KCNQ1: variants seen among roughly 807,000 people sequenced by gnomAD.
KCNQ1 encodes potassium voltage-gated channel subfamily Q member 1, also known as potassium voltage-gated channel subfamily KQT member 1.
A neutral mutation model predicts 72.4 loss-of-function variants in KCNQ1; 49 were observed. The ratio of observed to expected loss-of-function variants is 0.68; its 90% confidence interval spans 0.54 to 0.86. The LOEUF is 0.86. KCNQ1 is among the 40% of genes least tolerant of loss of function. KCNQ1 has a pLI of 0.00. For missense variants in KCNQ1, 790 were observed against 945.1 expected, an observed-to-expected ratio of 0.84 and a Z score of 2.15; for synonymous variants, 450 against 412.6, an observed-to-expected ratio of 1.09 and a Z score of -1.10.
chr11:2,819,958 T>G (rs1455160099), intron 15 of KCNQ1, among the ~76,000 whole-genome samples: 4 of 152,258 alleles, frequency 2.6e-5, no homozygotes, highest in African/African-American at 9.6e-5. Context: ...AGCAGTAGTA[T>G]TCATTCCTAA....
rs531814867 is a variant in KCNQ1 at position 2,481,790 on chromosome 11, T to C, written c.386+36306T>C. On this transcript the variant is annotated intron_variant, in intron 1 of 15. Transcript: ENST00000155840. This position sits in a 1 kb window ranked among gnomAD's most constrained non-coding sequence, Gnocchi z 4.6. ...GTCACTGTCTCCCATCACCCCCAGA[T>C]GGGACTGTCTAGTTGCAGGAAAACA... 1.3e-5 allele frequency among the ~76,000 whole-genome samples: 2 copies of C among 152,336 alleles called. No individual in the cohort carries two copies. Among genetic ancestry groups the C allele is most frequent in the South Asian group, 4.1e-4 (2 of 4,828 alleles).
intron 15 of KCNQ1, among the ~76,000 whole-genome samples, chr11:2,796,910 G>A (rs1157756234): frequency 2.6e-5 from 4 of 152,228 alleles, no homozygotes; most frequent in Non-Finnish European, 5.9e-5. Context: ...CCTTTATCCC[G>A]ACCGTAAATG....
In KCNQ1 at chr11:2,463,165, G is replaced by A. The variant is rs1171985851; in HGVS notation, c.386+17681G>A. On this transcript the variant is annotated intron_variant, in intron 1 of 15. Coordinates refer to ENST00000155840, the MANE Select transcript of KCNQ1 (RefSeq NM_000218.3). This position sits in a 1 kb window ranked among gnomAD's most constrained non-coding sequence, Gnocchi z 7.0. ...GCTTGGTCAGAGTGGGGAACTGGAC[G>A]CTCCGTCCCTGGCTCAGCCTCTCCC... is the stretch of plus-strand genomic sequence containing the variant. Among the ~76,000 whole-genome samples, 1 of 152,110 alleles carries A rather than the reference G, an allele frequency of 6.6e-6. No homozygotes were observed. Among genetic ancestry groups the A allele is most frequent in the Non-Finnish European group, 1.5e-5 (1 of 68,020 alleles).
chr11:2,736,181 C>T (rs1020563462), intron 11 of KCNQ1, among the ~76,000 whole-genome samples: 12 of 152,204 alleles, frequency 7.9e-5, no homozygotes, highest in Admixed American at 1.3e-4. Flanking sequence ...TTCAGTTTAC[C>T]CTGTGCTCCC....
intron 15 of KCNQ1, among the ~76,000 whole-genome samples, chr11:2,825,437 C>T (rs1010845041): frequency 1.3e-5 from 2 of 152,114 alleles, no homozygotes; most frequent in Admixed American, 6.5e-5. Context: ...AAGCACCACG[C>T]GGGGGGGTAG....
chr11:2,833,965 G>T (rs957330334), intron 15 of KCNQ1, among the ~76,000 whole-genome samples: 2 of 152,228 alleles, frequency 1.3e-5, no homozygotes, highest in African/African-American at 4.8e-5. Context: ...CCCTTCCCAG[G>T]CTGTCAGCAG....
intron 11 of KCNQ1, chr11:2,662,627 C>T (rs1354323360): frequency 2.4e-5 from 10 of 409,366 alleles, no homozygotes; most frequent in Middle Eastern, 6.1e-4. Context: ...GGCCAATCCC[C>T]GGTGCCCGGC....
intron 10 of KCNQ1, chr11:2,615,290 A>G: frequency 2.5e-6 from 1 of 398,094 alleles, no homozygotes; most frequent in Non-Finnish European, 4.4e-6. Flanking sequence ...TATTAGCTCT[A>G]CTAGTTTGTG....
At chr11:2,777,774 T>C in intron 14 of KCNQ1, 1 of 635,542 alleles carries the variant, frequency 1.6e-6, no homozygotes, top group Non-Finnish European at 2.8e-6. Context: ...GGAGCCCAGG[T>C]CCCCAGCTGC....
chr11:2,463,504 C>T lies in KCNQ1; in HGVS notation c.386+18020C>T, dbSNP rs962968101. ...TCTGTAGCCTTCCTGGCTTCGGTCCCCTGGACAGGCTCCACCTCCCTCTTA... is the reference window on the plus strand; with the variant it reads ...TCTGTAGCCTTCCTGGCTTCGGTCCTCTGGACAGGCTCCACCTCCCTCTTA... On this transcript the variant is annotated intron_variant, in intron 1 of 15. Coordinates refer to ENST00000155840, the MANE Select transcript of KCNQ1 (RefSeq NM_000218.3). The surrounding 1 kb of genome is among the most constrained non-coding windows in gnomAD (Gnocchi z 7.0). Among the ~76,000 whole-genome samples, 9 of 152,116 alleles carry T rather than the reference C, an allele frequency of 5.9e-5. No homozygotes were observed. Among genetic ancestry groups the T allele is most frequent in the African/African-American group, 2.2e-4 (9 of 41,414 alleles).
chr11:2,530,715 G>A (rs539725060), intron 2 of KCNQ1, among the ~76,000 whole-genome samples: 1 of 152,206 alleles, frequency 6.6e-6, no homozygotes, highest in Non-Finnish European at 1.5e-5. Flanking sequence ...GTGTGCACAT[G>A]TGTATCTGAG....
chr11:2,684,263 A>G, intron 11 of KCNQ1: 1 of 398,596 alleles, frequency 2.5e-6, no homozygotes, highest in East Asian at 3.6e-5. Context: ...TTGGATTAAC[A>G]AAAGGGGAGT....
At chr11:2,530,752 T>A (rs1290425983) in intron 2 of KCNQ1, among the ~76,000 whole-genome samples, 1 of 152,212 alleles carries the variant, frequency 6.6e-6, no homozygotes, top group African/African-American at 2.4e-5. Context: ...TGTGGCCACA[T>A]ATAGGCACAT....
At chr11:2,680,137 C>T (rs946004595) in intron 11 of KCNQ1, 35 of 396,466 alleles carry the variant, frequency 8.8e-5, no homozygotes, top group African/African-American at 6.6e-4. Flanking sequence ...AGTGATCTGC[C>T]CGCCTCAGCC....
At chr11:2,506,675 A>C (rs1847110303) in intron 1 of KCNQ1, among the ~76,000 whole-genome samples, 1 of 152,168 alleles carries the variant, frequency 6.6e-6, no homozygotes, top group African/African-American at 2.4e-5. Flanking sequence ...GATGTGACCA[A>C]ATTTCCCTGC....
rs1590019898 is a variant in KCNQ1 at position 2,668,314 on chromosome 11, T to C, written c.1514+6233T>C. On this transcript the variant is annotated intron_variant, in intron 11 of 15. Coordinates refer to ENST00000155840, the MANE Select transcript of KCNQ1 (RefSeq NM_000218.3). This position sits in a 1 kb window ranked among gnomAD's most constrained non-coding sequence, Gnocchi z 4.3. ...AGCATCAGGTTGCGTTTCTGGGGAA[T>C]ATATGCCTATGTGTGGAGCTGCAGG... The C allele has an allele frequency of 2.5e-6, 1 of 398,650 alleles. No individual in the cohort carries two copies. Among genetic ancestry groups the C allele is most frequent in the South Asian group, 1.3e-4 (1 of 7,860 alleles). 24.7% of individuals were successfully genotyped at this position (398,650 alleles called of 1,614,324 possible).
At chr11:2,774,686 G>A (rs561747566) in intron 12 of KCNQ1, among the ~76,000 whole-genome samples, 2 of 152,350 alleles carry the variant, frequency 1.3e-5, no homozygotes, top group Admixed American at 6.5e-5. Flanking sequence ...AGAGCTGAAA[G>A]TGGGTACATG....
At position 2,826,396 on chromosome 11, in the gene KCNQ1, G is replaced by A. The variant is rs1002990969; in HGVS notation, c.1795-21371G>A. Among the ~76,000 whole-genome samples, 6 of 152,224 alleles carry A rather than the reference G, an allele frequency of 3.9e-5. No individual in the cohort carries two copies. The highest frequency in any genetic ancestry group is 6.5e-5 in the Admixed American group (1 of 15,282). On this transcript the variant is annotated intron_variant, in intron 15 of 15. Coordinates refer to ENST00000155840, the MANE Select transcript of KCNQ1 (RefSeq NM_000218.3). The surrounding 1 kb of genome is among the most constrained non-coding windows in gnomAD (Gnocchi z 4.2). ...AGGCCAGCTGGGGGTCAGAACCCGCGGCCAGGCCCAGCAGCCGCCTCTTGG... is the reference window on the plus strand; with the variant it reads ...AGGCCAGCTGGGGGTCAGAACCCGCAGCCAGGCCCAGCAGCCGCCTCTTGG...
chr11:2,645,384 G>A lies in KCNQ1; in HGVS notation c.1394-16577G>A. ...CTGGCACTGGGAGAAAAGAGGGTGG[G>A]ACCAGGCCAGGTGGGCCTGTCCTGA... On this transcript the variant is annotated intron_variant, in intron 10 of 15. Transcript: ENST00000155840. The surrounding 1 kb of genome is among the most constrained non-coding windows in gnomAD (Gnocchi z 5.8). The A allele has an allele frequency of 2.5e-6, 1 of 398,778 alleles. No homozygotes were observed. Among genetic ancestry groups the A allele is most frequent in the Non-Finnish European group, 4.4e-6 (1 of 226,246 alleles). The allele number at this position is 398,778 out of a possible 1,614,324, so 24.7% of individuals were successfully genotyped here.
Sources: gnomAD v4.1 joint callset for allele counts (sites outside exome capture counted in the v4.1 genomes callset) on GRCh38, gnomAD v4.1.1 for gene constraint, Gnocchi (gnomAD v3.1) non-coding constraint, MANE v1.5 for transcripts, NCBI Gene and HGNC (gene_info 2026-07-23, HGNC 2026-07-21) for gene names.